Variants in DUX4 observed in about 807,000 individuals in gnomAD.
DUX4 encodes the protein double homeobox protein 4.
At chr4:190,180,008 A>AAAAAG (rs1742524707), downstream of DUX4, among the ~76,000 whole-genome samples, 1 of 142,716 alleles carries the variant, frequency 7.0e-6, no homozygotes. Flanking sequence ...CAGAGCTTAA[A>AAAAAG]CTAGAGTTAC....
downstream of DUX4, among the ~76,000 whole-genome samples, chr4:190,179,463 A>AGGTG (rs1742495223): frequency 3.1e-5 from 4 of 127,854 alleles, no homozygotes; most frequent in African/African-American, 5.7e-5. Flanking sequence ...AGCAGATCCT[A>AGGTG]GAGAAGAGTT....
downstream of DUX4, among the ~76,000 whole-genome samples, chr4:190,176,337 C>G (rs71271248): frequency 2.0e-5 from 2 of 102,014 alleles, no homozygotes; most frequent in Non-Finnish European, 4.6e-5. Context: ...TGTTACATCA[C>G]CTGGGTGATC....
chr4:190,177,011 C>T (rs1579832301), downstream of DUX4, among the ~76,000 whole-genome samples: 3 of 108,550 alleles, frequency 2.8e-5, no homozygotes, highest in African/African-American at 6.0e-5. Context: ...CTAGGCAAGA[C>T]TTCCATCACC....
At chr4:190,179,477 TCACC>T (rs1742496613), downstream of DUX4, among the ~76,000 whole-genome samples, 19 of 147,018 alleles carry the variant, frequency 1.3e-4, no homozygotes, top group Non-Finnish European at 2.7e-4. Flanking sequence ...AAGAGTTATA[TCACC>T]TGGGTGATCA....
chr4:190,177,890 T>A (rs1742393857), downstream of DUX4, among the ~76,000 whole-genome samples: 367 of 20,192 alleles, frequency 0.018, no homozygotes, highest in South Asian at 0.056. Context: ...AGCCATATCC[T>A]TGACAAAAGT....
chr4:190,180,006 AAAC>A (rs1742524418), downstream of DUX4, among the ~76,000 whole-genome samples: 9 of 137,146 alleles, frequency 6.6e-5, no homozygotes, highest in South Asian at 2.2e-4. Flanking sequence ...GGCAGAGCTT[AAAC>A]TAGAGTTACA....
downstream of DUX4, among the ~76,000 whole-genome samples, chr4:190,179,642 A>C (rs2126578888): frequency 2.0e-4 from 28 of 141,944 alleles, no homozygotes; most frequent in African/African-American, 8.1e-4. Flanking sequence ...GAGATATGTC[A>C]CAATGTCCCC....
At chr4:190,179,791 A>AG (rs1742512352), downstream of DUX4, among the ~76,000 whole-genome samples, 3 of 66,776 alleles carry the variant, frequency 4.5e-5, no homozygotes, top group Admixed American at 3.4e-4. Flanking sequence ...ATGCCCCTGT[A>AG]GGCAAGCCTA....
chr4:190,181,288 G>GTC (rs1742561623), intron 1 of DUX4, among the ~76,000 whole-genome samples: 1 of 55,764 alleles, frequency 1.8e-5, no homozygotes, highest in South Asian at 7.3e-4. Context: ...ATGTGACAAT[G>GTC]CCGCCAGTAG....
At chr4:190,176,652 G>A (rs1579831821), downstream of DUX4, among the ~76,000 whole-genome samples, 1 of 122,248 alleles carries the variant, frequency 8.2e-6, no homozygotes, top group Non-Finnish European at 1.9e-5. Flanking sequence ...GCCCCTGTAG[G>A]CAGAGCCTAG....
downstream of DUX4, among the ~76,000 whole-genome samples, chr4:190,176,661 A>T (rs2126565235): frequency 8.3e-6 from 1 of 120,090 alleles, no homozygotes; most frequent in East Asian, 2.9e-4. Context: ...GGCAGAGCCT[A>T]GACAAGAGTT....
chr4:190,176,698 A>G (rs1377102439), downstream of DUX4, among the ~76,000 whole-genome samples: 51 of 112,962 alleles, frequency 4.5e-4, 3 homozygotes, highest in African/African-American at 1.2e-3. Context: ...CAGTTCAGAG[A>G]TGTGTCAGAA....
At chr4:190,178,060 G>GAGATATACATCACCTCGGTGATCAGCA (rs1742402458), downstream of DUX4, among the ~76,000 whole-genome samples, 1 of 143,322 alleles carries the variant, frequency 7.0e-6, no homozygotes, top group Admixed American at 7.1e-5. Context: ...GGTGATCAGT[G>GAGATATACATCACCTCGGTGATCAGCA]CAGAGATACG....
intron 1 of DUX4, among the ~76,000 whole-genome samples, chr4:190,181,549 G>A (rs1336051984): frequency 7.9e-3 from 849 of 108,052 alleles, no homozygotes; most frequent in East Asian, 0.014. Flanking sequence ...TCAATGCAGC[G>A]ATATGTCACT....
At chr4:190,179,588 G>A (rs1579835724), downstream of DUX4, among the ~76,000 whole-genome samples, 36 of 151,542 alleles carry the variant, frequency 2.4e-4, no homozygotes, top group Non-Finnish European at 3.3e-4. Context: ...ATGCTGTGTA[G>A]CCAGAGCCTA....
At chr4:190,179,782 TG>T (rs1579835973), downstream of DUX4, among the ~76,000 whole-genome samples, 23 of 135,896 alleles carry the variant, frequency 1.7e-4, no homozygotes, top group East Asian at 2.9e-3. Context: ...TATGTCAAAA[TG>T]CCCCTGTAGG....
At chr4:190,177,122 T>C (rs1742342735), downstream of DUX4, among the ~76,000 whole-genome samples, 12 of 61,658 alleles carry the variant, frequency 1.9e-4, no homozygotes, top group East Asian at 9.5e-4. Context: ...TTTCACAATG[T>C]CCCCTGTAGG....
chr4:190,177,876 C>CCTT (rs1742392631), downstream of DUX4, among the ~76,000 whole-genome samples: 2 of 69,860 alleles, frequency 2.9e-5, no homozygotes, highest in Admixed American at 1.5e-4. Flanking sequence ...CACAATGTCC[C>CCTT]TGTAGCCATA....
downstream of DUX4, among the ~76,000 whole-genome samples, chr4:190,179,216 C>A (rs2126577114): frequency 1.5e-3 from 217 of 145,424 alleles, no homozygotes; most frequent in South Asian, 2.2e-3. Flanking sequence ...CCTGGGTGAT[C>A]ATTGCAGGGA....
Sources: allele counts gnomAD v4.1 joint callset (sites outside exome capture counted in the v4.1 genomes callset), GRCh38; gene constraint gnomAD v4.1.1; transcripts MANE v1.5; gene names NCBI Gene and HGNC (gene_info 2026-07-23, HGNC 2026-07-21).